CUX2: variants seen among roughly 807,000 people sequenced by gnomAD.
The protein encoded by CUX2 is cut like homeobox 2, also known as homeobox protein cut-like 2.
CUX2 carries 40 observed loss-of-function variants against 144.8 expected under a neutral mutation model. The ratio of observed to expected loss-of-function variants is 0.28; its 90% confidence interval spans 0.21 to 0.36. The LOEUF is 0.36. Ranked by LOEUF, CUX2 falls within the 10% of genes least tolerant of loss-of-function variation. The pLI is 1.00. For missense variants in CUX2, 1,615 were observed against 1,994.0 expected (o/e 0.81, Z 3.62); for synonymous variants, 827 against 875.6 (o/e 0.94, Z 0.98).
chr12:111,115,508 AT>A (rs2136087805), intron 1 of CUX2, among the ~76,000 whole-genome samples: 1 of 152,056 alleles, frequency 6.6e-6, no homozygotes, highest in South Asian at 2.1e-4. Flanking sequence ...GATGGTCTCA[AT>A]CTCCTGACCT....
intron 1 of CUX2, among the ~76,000 whole-genome samples, chr12:111,202,137 A>T (rs1880633170): frequency 1.3e-5 from 2 of 152,138 alleles, no homozygotes; most frequent in Non-Finnish European, 2.9e-5. Flanking sequence ...GAATGAGTGA[A>T]TGATCATTTT....
chr12:111,103,570 A>C lies in CUX2; in HGVS notation c.63+69330A>C, dbSNP rs1428717073. Among the ~76,000 whole-genome samples, 3 of 152,222 alleles carry C rather than the reference A, an allele frequency of 2.0e-5. No homozygotes were observed. The East Asian group carries it at 5.8e-4, about 29-fold the overall frequency. ...TGCAAGGAGATGCCCTGTTGGGGCC[A>C]AGTGAAAGAAGAGAACTGGTTGATG... On this transcript the variant is annotated intron_variant, in intron 1 of 21. Transcript: ENST00000261726.
chr12:111,329,182 G>A (rs527362669), intron 18 of CUX2, among the ~76,000 whole-genome samples: 18 of 151,116 alleles, frequency 1.2e-4, no homozygotes, highest in South Asian at 2.1e-4. Flanking sequence ...GGAACTTTCT[G>A]TAGTAAAATA....
intron 1 of CUX2, among the ~76,000 whole-genome samples, chr12:111,097,564 G>A (rs1375404514): frequency 2.6e-5 from 4 of 152,234 alleles, no homozygotes; most frequent in Non-Finnish European, 5.9e-5. Flanking sequence ...ACATATTCAT[G>A]TGCCTACCCG....
chr12:111,165,329 G>A (rs1038953609), intron 1 of CUX2, among the ~76,000 whole-genome samples: 12 of 152,178 alleles, frequency 7.9e-5, no homozygotes, highest in African/African-American at 2.2e-4. Context: ...ATGGCAGGAC[G>A]TCTTCAGAGC....
intron 1 of CUX2, among the ~76,000 whole-genome samples, chr12:111,113,847 G>A (rs1005328318): frequency 5.3e-5 from 8 of 152,212 alleles, no homozygotes; most frequent in African/African-American, 1.7e-4. Flanking sequence ...GTGAGCTGCC[G>A]CGTCTGGCCT....
chr12:111,342,833 C>G (rs1407486967), intron 21 of CUX2, among the ~76,000 whole-genome samples: 1 of 151,416 alleles, frequency 6.6e-6, no homozygotes. Flanking sequence ...GTGGTGCATG[C>G]CTATAGTGTC....
Position 111,101,912 on chromosome 12 carries a change from A to G in CUX2, c.63+67672A>G, listed in dbSNP as rs891871343. On this transcript the variant is annotated intron_variant, in intron 1 of 21. Transcript: ENST00000261726. The stretch of plus-strand genomic sequence containing the variant: ...TCGGGCTAAATACAGTACCGACTAC[A>G]TGGGGATGTTGTGAGAGTTAAATTT... 2.0e-5 allele frequency among the ~76,000 whole-genome samples: 3 copies of G among 152,362 alleles called. No homozygotes were observed. The South Asian group carries it at 6.2e-4, about 32-fold the overall frequency.
At chr12:111,292,637 C>G (rs1235653217) in intron 5 of CUX2, among the ~76,000 whole-genome samples, 1 of 151,976 alleles carries the variant, frequency 6.6e-6, no homozygotes, top group Non-Finnish European at 1.5e-5. Context: ...AAATGCCAGA[C>G]AGGAAAGGCC....
At chr12:111,198,701 G>A (rs1356139697) in intron 1 of CUX2, among the ~76,000 whole-genome samples, 1 of 152,266 alleles carries the variant, frequency 6.6e-6, no homozygotes, top group Non-Finnish European at 1.5e-5. Context: ...AGGGGTGCCA[G>A]TGGGGCCAGC....
chr12:111,303,363 C>T (rs1257644451), intron 9 of CUX2, among the ~76,000 whole-genome samples: 1 of 151,854 alleles, frequency 6.6e-6, no homozygotes, highest in South Asian at 2.1e-4. Flanking sequence ...GAGCTGGGCA[C>T]GATGGCTCAC....
chr12:111,227,684 G>A (rs1400997716), intron 3 of CUX2, among the ~76,000 whole-genome samples: 1 of 152,156 alleles, frequency 6.6e-6, no homozygotes, highest in African/African-American at 2.4e-5. Context: ...AGGGCAGCCA[G>A]CTGGGGGCAG....
intron 1 of CUX2, among the ~76,000 whole-genome samples, chr12:111,191,239 A>C (rs1426165811): frequency 6.6e-6 from 1 of 152,140 alleles, no homozygotes; most frequent in Non-Finnish European, 1.5e-5. Context: ...GTAAAGTGCT[A>C]AGAACGTGCC....
intron 1 of CUX2, among the ~76,000 whole-genome samples, chr12:111,188,068 C>G (rs569489666): frequency 6.6e-6 from 1 of 152,232 alleles, no homozygotes; most frequent in African/African-American, 2.4e-5. Context: ...CCCTGGAAAT[C>G]GATGACAGCT....
chr12:111,134,997 G>A (rs1446877929), intron 1 of CUX2, among the ~76,000 whole-genome samples: 1 of 152,168 alleles, frequency 6.6e-6, no homozygotes, highest in Non-Finnish European at 1.5e-5. Flanking sequence ...TCAGGGCTTT[G>A]AGCAGAGCAG....
chr12:111,144,861 G>A (rs1876559582), intron 1 of CUX2, among the ~76,000 whole-genome samples: 1 of 152,212 alleles, frequency 6.6e-6, no homozygotes, highest in African/African-American at 2.4e-5. Context: ...GGGCCGGGCA[G>A]TAGCTCTTTC....
At chr12:111,107,062 T>C (rs1566225688) in intron 1 of CUX2, among the ~76,000 whole-genome samples, 1 of 152,218 alleles carries the variant, frequency 6.6e-6, no homozygotes, top group Non-Finnish European at 1.5e-5. Flanking sequence ...GGCTGGACAG[T>C]GTGTGCCAGG....
Position 111,277,803 on chromosome 12 carries a change from C to T in CUX2, c.302-13615C>T, listed in dbSNP as rs968757008. On this transcript the variant is annotated intron_variant, in intron 4 of 21. Coordinates refer to ENST00000261726, the MANE Select transcript of CUX2 (RefSeq NM_015267.4). This position sits in a 1 kb window ranked among gnomAD's most constrained non-coding sequence, Gnocchi z 5.0. ...ATTAGGGACTCTTAGTCACCTGTCA[C>T]GGCTGTAACAAATACCATGAGCTTA... is the stretch of plus-strand genomic sequence containing the variant. 2.6e-5 allele frequency among the ~76,000 whole-genome samples: 4 copies of T among 152,168 alleles called. No individual in the cohort carries two copies. Among genetic ancestry groups the T allele is most frequent in the Non-Finnish European group, 5.9e-5 (4 of 68,028 alleles).
chr12:111,056,421 C>T (rs1870530522), intron 1 of CUX2, among the ~76,000 whole-genome samples: 1 of 152,210 alleles, frequency 6.6e-6, no homozygotes, highest in African/African-American at 2.4e-5. Flanking sequence ...TTGACAACTC[C>T]CACATCTGGC....
Sources: allele counts gnomAD v4.1 joint callset (sites outside exome capture counted in the v4.1 genomes callset), GRCh38; gene constraint gnomAD v4.1.1; non-coding constraint Gnocchi (gnomAD v3.1); transcripts MANE v1.5; gene names NCBI Gene and HGNC (gene_info 2026-07-23, HGNC 2026-07-21).